ZBTB20: variants seen among roughly 807,000 people sequenced by gnomAD.
The protein encoded by ZBTB20 is zinc finger and BTB domain containing 20.
In ZBTB20, 9 loss-of-function variants were observed where a neutral mutation model predicts 56.9. That is an observed-to-expected ratio of 0.16 (90% CI 0.10 to 0.28). The LOEUF (loss-of-function observed/expected upper bound fraction) is 0.28, where lower values mean the gene tolerates loss of function less well. Ranked by LOEUF, ZBTB20 falls within the 10% of genes least tolerant of loss-of-function variation. The pLI, the probability that ZBTB20 is intolerant of heterozygous loss-of-function variation, is 1.00. For synonymous variants in ZBTB20, 417 were observed against 420.7 expected (o/e 0.99, Z 0.11); for missense variants, 655 against 1,003.0 (o/e 0.65, Z 4.69).
intron 5 of ZBTB20, among the ~76,000 whole-genome samples, chr3:114,749,408 C>A (rs955995158): frequency 6.6e-6 from 1 of 152,050 alleles, no homozygotes; most frequent in Non-Finnish European, 1.5e-5. Context: ...AAAAAAGTAG[C>A]TGGGTGTGGC....
chr3:114,468,431 A>C (rs2092633776), intron 7 of ZBTB20, among the ~76,000 whole-genome samples: 1 of 152,162 alleles, frequency 6.6e-6, no homozygotes, highest in Non-Finnish European at 1.5e-5. Context: ...GTATATGTAC[A>C]TATTTTTCTG....
At chr3:114,937,694 T>TA (rs1349067426) in intron 3 of ZBTB20, among the ~76,000 whole-genome samples, 1 of 152,166 alleles carries the variant, frequency 6.6e-6, no homozygotes, top group Non-Finnish European at 1.5e-5. Flanking sequence ...GTGCTGGAAT[T>TA]ACAGGAGTGA....
At chr3:114,826,821 A>T (rs2108940063) in intron 4 of ZBTB20, among the ~76,000 whole-genome samples, 1 of 151,892 alleles carries the variant, frequency 6.6e-6, no homozygotes, top group Middle Eastern at 3.4e-3. Flanking sequence ...GTATGAAGAC[A>T]TGTCTATAAG....
intron 4 of ZBTB20, among the ~76,000 whole-genome samples, chr3:114,843,482 T>G (rs1049279858): frequency 1.3e-5 from 2 of 152,228 alleles, no homozygotes; most frequent in Non-Finnish European, 2.9e-5. Flanking sequence ...TAGGTCTTCA[T>G]TCTGGTCAGT....
intron 3 of ZBTB20, among the ~76,000 whole-genome samples, chr3:114,968,360 GATT>G (rs1355186655): frequency 1.3e-5 from 2 of 152,124 alleles, no homozygotes; most frequent in Non-Finnish European, 1.5e-5. Context: ...TTAAAAAACT[GATT>G]ATTTGTGAGT....
chr3:114,673,558 C>T (rs73224539), intron 6 of ZBTB20, among the ~76,000 whole-genome samples: 3,952 of 151,888 alleles, frequency 0.026, 73 homozygotes, highest in East Asian at 0.1. Context: ...ACTGTTATCA[C>T]GAAAAAGGGA....
At chr3:115,115,179 T>C (rs1323216873) in intron 1 of ZBTB20, among the ~76,000 whole-genome samples, 1 of 152,130 alleles carries the variant, frequency 6.6e-6, no homozygotes, top group Non-Finnish European at 1.5e-5. Flanking sequence ...TGTGTACTTG[T>C]GACTTCAATT....
chr3:114,946,465 C>A (rs1485749286), intron 3 of ZBTB20, among the ~76,000 whole-genome samples: 1 of 145,066 alleles, frequency 6.9e-6, no homozygotes, highest in Non-Finnish European at 1.5e-5. Flanking sequence ...AAGCAGTAGT[C>A]TTCTAGAAAC....
chr3:114,805,635 C>A (rs1309345648), intron 4 of ZBTB20, among the ~76,000 whole-genome samples: 3 of 151,714 alleles, frequency 2.0e-5, no homozygotes, highest in African/African-American at 7.3e-5. Context: ...ATATAACATA[C>A]AATCCACTCT....
intron 2 of ZBTB20, among the ~76,000 whole-genome samples, chr3:114,985,502 T>C (rs2078500093): frequency 6.6e-6 from 1 of 152,122 alleles, no homozygotes; most frequent in Admixed American, 6.6e-5. Context: ...ATTAACAACA[T>C]TGTTCTTCTC....
intron 5 of ZBTB20, among the ~76,000 whole-genome samples, chr3:114,701,398 T>C (rs897775169): frequency 7.9e-5 from 12 of 152,190 alleles, no homozygotes; most frequent in Non-Finnish European, 1.8e-4. Flanking sequence ...CAATATCTGA[T>C]ACCTATAGTG....
intron 6 of ZBTB20, among the ~76,000 whole-genome samples, chr3:114,602,006 C>G (rs1292249432): frequency 6.6e-6 from 1 of 151,958 alleles, no homozygotes; most frequent in Non-Finnish European, 1.5e-5. Context: ...AACCTCTGGT[C>G]TTTAGGCTCC....
chr3:115,015,574 G>A (rs2079917508), intron 2 of ZBTB20, among the ~76,000 whole-genome samples: 1 of 151,774 alleles, frequency 6.6e-6, no homozygotes, highest in Non-Finnish European at 1.5e-5. Context: ...GTGTTGTTTG[G>A]TTCTCTGTTC....
chr3:114,528,840 T>C (rs956077421), intron 6 of ZBTB20: 1 of 152,096 alleles, frequency 6.6e-6, no homozygotes, highest in Admixed American at 6.6e-5. Flanking sequence ...TCCTCAGAAA[T>C]AGACTAATTT....
chr3:114,391,168 CT>C (rs2085840670), intron 7 of ZBTB20, among the ~76,000 whole-genome samples: 2 of 152,078 alleles, frequency 1.3e-5, no homozygotes, highest in South Asian at 4.1e-4. Context: ...TTTTCTTTAC[CT>C]CTTGTCCATC....
chr3:114,449,382 T>C (rs1030279172), intron 7 of ZBTB20, among the ~76,000 whole-genome samples: 1 of 152,074 alleles, frequency 6.6e-6, no homozygotes, highest in African/African-American at 2.4e-5. Context: ...AAACAGCTAA[T>C]GAGTAAGTAC....
At chr3:115,090,593 C>A (rs990409212) in intron 1 of ZBTB20, among the ~76,000 whole-genome samples, 5 of 151,738 alleles carry the variant, frequency 3.3e-5, no homozygotes, top group Non-Finnish European at 1.5e-5. Flanking sequence ...AAACACCATG[C>A]GTTTCACTGT....
intron 6 of ZBTB20, among the ~76,000 whole-genome samples, chr3:114,565,149 G>A (rs991821595): frequency 1.3e-5 from 2 of 152,180 alleles, no homozygotes; most frequent in African/African-American, 4.8e-5. Context: ...AACAGCTGGT[G>A]CTACAAATGG....
At chr3:114,586,968 C>T (rs2055234170) in intron 6 of ZBTB20, among the ~76,000 whole-genome samples, 1 of 145,016 alleles carries the variant, frequency 6.9e-6, no homozygotes, top group African/African-American at 2.5e-5. Flanking sequence ...TGAATTTATA[C>T]ATAACTCTAG....
Sources: allele counts gnomAD v4.1 joint callset (sites outside exome capture counted in the v4.1 genomes callset), GRCh38; gene constraint gnomAD v4.1.1; transcripts MANE v1.5; gene names NCBI Gene and HGNC (gene_info 2026-07-23, HGNC 2026-07-21).